The following SGPL1 variants were observed in gnomAD, a reference collection of about 807,000 sequenced individuals.
SGPL1 encodes SP-lyase 1.
A neutral mutation model predicts 68.9 loss-of-function variants in SGPL1; 37 were observed. The ratio of observed to expected loss-of-function variants is 0.54; its 90% confidence interval spans 0.41 to 0.71. The LOEUF (loss-of-function observed/expected upper bound fraction) is 0.71. Ranked by LOEUF, SGPL1 falls within the 30% of genes least tolerant of loss-of-function variation. The pLI is 0.00. For synonymous variants in SGPL1, 236 were observed against 248.5 expected (o/e 0.95, Z 0.47); for missense variants, 551 against 704.6 (o/e 0.78, Z 2.47).
At chr10:70,841,669 A>G (rs1845715905) in intron 2 of SGPL1, among the ~76,000 whole-genome samples, 1 of 152,044 alleles carries the variant, frequency 6.6e-6, no homozygotes, top group African/African-American at 2.4e-5. Context: ...ATTTCAACAT[A>G]TGAATTTTTG....
chr10:70,820,572 C>G (rs1845320425), intron 2 of SGPL1: 2 of 152,112 alleles, frequency 1.3e-5, no homozygotes, highest in Admixed American at 6.5e-5. Flanking sequence ...GCCAGGTGTT[C>G]TAGACCAGCC....
chr10:70,876,608 C>T lies in SGPL1; in HGVS notation c.1513C>T (p.Arg505Ter), dbSNP rs746887949. 5 of 1,612,798 alleles carry T rather than the reference C, an allele frequency of 3.1e-6. No homozygotes were observed. In the African/African-American group the frequency reaches 4.0e-5, roughly 13 times the overall value. ...RVAIQFLKDI[R>*]ESVTQIMKNP... is the part of the protein sequence containing the mutation. ...AGCTATACAATTCCTAAAGGACATT[C>T]GAGAATCTGTCACTCAAATCATGAA... is the stretch of plus-strand genomic sequence containing the variant. The change falls in exon 14 of 15, where the codon CGA becomes TGA. Residue 505 changes from arginine to a stop codon, truncating the protein, a stop_gained. Coordinates refer to ENST00000373202, the MANE Select transcript of SGPL1 (RefSeq NM_003901.4). LOFTEE classifies it high-confidence loss of function.
At chr10:70,861,061 T>C (rs1392830184) in intron 7 of SGPL1, among the ~76,000 whole-genome samples, 1 of 151,294 alleles carries the variant, frequency 6.6e-6, no homozygotes, top group Non-Finnish European at 1.5e-5. Context: ...GACGAAATAT[T>C]CCAGGTTCAG....
chr10:70,834,838 A>G (rs1435145069), intron 2 of SGPL1, among the ~76,000 whole-genome samples: 3 of 152,228 alleles, frequency 2.0e-5, no homozygotes, highest in Admixed American at 6.5e-5. Context: ...GGAAAAAACA[A>G]TGCATTTTAA....
intron 4 of SGPL1, among the ~76,000 whole-genome samples, chr10:70,852,518 AT>A (rs1171771137): frequency 1.3e-5 from 2 of 151,780 alleles, no homozygotes; most frequent in African/African-American, 2.4e-5. Context: ...TATCTCCTGA[AT>A]TTTTTTTTCT....
chr10:70,858,882 AGTT>A (rs1162365832), intron 6 of SGPL1, among the ~76,000 whole-genome samples: 1 of 152,148 alleles, frequency 6.6e-6, no homozygotes, highest in Admixed American at 6.5e-5. Context: ...TCAGGATGTT[AGTT>A]GTTCCCTCTT....
intron 5 of SGPL1, chr10:70,857,193 C>T: frequency 5.1e-6 from 1 of 194,758 alleles, no homozygotes; most frequent in Non-Finnish European, 1.1e-5. Flanking sequence ...CAACTCTGCT[C>T]ATAATAGTTC....
intron 2 of SGPL1, among the ~76,000 whole-genome samples, chr10:70,818,797 A>G (rs1409065107): frequency 6.6e-6 from 1 of 152,204 alleles, no homozygotes; most frequent in Non-Finnish European, 1.5e-5. Context: ...TTCAGTTTTA[A>G]TTAATACCCT....
intron 7 of SGPL1, among the ~76,000 whole-genome samples, chr10:70,867,052 G>T (rs1213367412): frequency 6.6e-6 from 1 of 152,144 alleles, no homozygotes; most frequent in Non-Finnish European, 1.5e-5. Context: ...ATTCCTCAAG[G>T]GCTCAGTTTT....
intron 5 of SGPL1, among the ~76,000 whole-genome samples, chr10:70,855,613 C>T (rs1845951728): frequency 6.6e-6 from 1 of 152,162 alleles, no homozygotes; most frequent in Non-Finnish European, 1.5e-5. Context: ...TTTATAGTGC[C>T]TGGCATATAG....
At chr10:70,845,390 G>A (rs1417167700) in intron 3 of SGPL1, among the ~76,000 whole-genome samples, 1 of 152,110 alleles carries the variant, frequency 6.6e-6, no homozygotes, top group Non-Finnish European at 1.5e-5. Context: ...TATGTGCCAG[G>A]CACTGCCATC....
chr10:70,815,962 C>G lies in SGPL1; in HGVS notation c.-208C>G, dbSNP rs1244400814. On this transcript the variant is annotated 5_prime_UTR_variant, in exon 1 of 15. Coordinates refer to ENST00000373202, the MANE Select transcript of SGPL1 (RefSeq NM_003901.4). Reference sequence around the variant, plus strand: ...CCCCCGGAGCCATTTCCGGGAGGGGCGAGGCCGGCGGCTGCCGGGCCTCCA... The same window carrying G: ...CCCCCGGAGCCATTTCCGGGAGGGGGGAGGCCGGCGGCTGCCGGGCCTCCA... 3 of 150,998 alleles carry G rather than the reference C, an allele frequency of 2.0e-5. No homozygotes were observed. The highest frequency in any genetic ancestry group is 2.1e-4 in the South Asian group (1 of 4,730). 9.4% of individuals were successfully genotyped at this position (150,998 alleles called of 1,614,324 possible).
chr10:70,823,845 G>C (rs55763022), intron 2 of SGPL1, among the ~76,000 whole-genome samples: 8,947 of 151,606 alleles, frequency 0.059, 380 homozygotes, highest in African/African-American at 0.12. Context: ...GAAATTTTCA[G>C]ATTTTTCTTT....
At chr10:70,850,803 A>G (rs1167252311) in intron 3 of SGPL1, among the ~76,000 whole-genome samples, 1 of 150,722 alleles carries the variant, frequency 6.6e-6, no homozygotes, top group Non-Finnish European at 1.5e-5. Context: ...TTTTTGTGCA[A>G]AAAAAGGGAG....
intron 2 of SGPL1, among the ~76,000 whole-genome samples, chr10:70,824,343 T>C (rs1485578870): frequency 6.6e-6 from 1 of 152,234 alleles, no homozygotes; most frequent in Non-Finnish European, 1.5e-5. Flanking sequence ...AGAAGCCAGA[T>C]TGGTATTTTG....
intron 2 of SGPL1, among the ~76,000 whole-genome samples, chr10:70,834,232 C>G (rs893075281): frequency 6.6e-6 from 1 of 152,116 alleles, no homozygotes; most frequent in Non-Finnish European, 1.5e-5. Context: ...TGTACTCTGA[C>G]CCTGTGGGTG....
chr10:70,871,984 A>G lies in SGPL1; in HGVS notation c.1057A>G (p.Lys353Glu). 1 of 1,613,522 alleles carries G rather than the reference A, an allele frequency of 6.2e-7. No homozygotes were observed. The highest frequency in any genetic ancestry group is 8.5e-7 in the Non-Finnish European group (1 of 1,179,832). Residue 353 changes from lysine to glutamate, a missense_variant and splice_region_variant, in exon 11 of 15, where the codon AAG (lysine) becomes GAG (glutamate). By Grantham distance (56) the Lys-to-Glu change is moderately conservative. Coordinates refer to ENST00000373202, the MANE Select transcript of SGPL1 (RefSeq NM_003901.4). ...AACCAGCATTTCAGCTGACACCCATAAGGTGAGCTAAGGAGGAGATCAAGT... is the reference window on the plus strand; with the variant it reads ...AACCAGCATTTCAGCTGACACCCATGAGGTGAGCTAAGGAGGAGATCAAGT... ...GVTSISADTHKYGYAPKGSSL... is the reference protein window; with the variant it reads ...GVTSISADTHEYGYAPKGSSL...
rs1283440137 is a variant in SGPL1, at chr10:70,880,953, C to G, written c.*3618C>G. On this transcript the variant is annotated 3_prime_UTR_variant, in exon 15 of 15. Transcript: ENST00000373202. The stretch of plus-strand genomic sequence containing the variant: ...GTTCTTGGCAGCAATGAGCAGCTTT[C>G]ACTCAGTGACACAAGTAATTACTGA... 6.6e-6 allele frequency: 1 copy of G among 152,178 alleles called. No individual in the cohort carries two copies. Among genetic ancestry groups the G allele is most frequent in the Admixed American group, 6.5e-5 (1 of 15,276 alleles). The allele number at this position is 152,178 out of a possible 1,614,324, so 9.4% of individuals were successfully genotyped here. A position where few individuals can be genotyped will look rare whatever the true frequency, so the allele number is the denominator to read the frequency against.
chr10:70,830,266 C>T (rs968776223), intron 2 of SGPL1, among the ~76,000 whole-genome samples: 7 of 152,146 alleles, frequency 4.6e-5, no homozygotes, highest in Non-Finnish European at 8.8e-5. Context: ...GCCATCCCCA[C>T]GATCAATTTT....
Sources: allele counts gnomAD v4.1 joint callset (sites outside exome capture counted in the v4.1 genomes callset), GRCh38; gene constraint gnomAD v4.1.1; transcripts MANE v1.5; gene names NCBI Gene and HGNC (gene_info 2026-07-23, HGNC 2026-07-21).